Variants in ACVRL1 observed in about 807,000 individuals in gnomAD.
ACVRL1 encodes activin A receptor like type 1, also known as activin receptor type-1-like.
A neutral mutation model predicts 51.9 loss-of-function variants in ACVRL1; 20 were observed. The observed-to-expected ratio is 0.39, with a 90% CI of 0.27 to 0.56. The LOEUF is 0.56. Ranked by LOEUF, ACVRL1 falls within the 20% of genes least tolerant of loss-of-function variation. The pLI is 0.67. For synonymous variants in ACVRL1, 288 were observed against 280.9 expected, an observed-to-expected ratio of 1.03 and a Z score of -0.25; for missense variants, 451 against 670.3, an observed-to-expected ratio of 0.67 and a Z score of 3.61.
chr12:51,910,950 A>C (rs1263469946), intron 1 of ACVRL1, among the ~76,000 whole-genome samples: 1 of 151,558 alleles, frequency 6.6e-6, no homozygotes, highest in Non-Finnish European at 1.5e-5. Context: ...CCCCTACCCC[A>C]CCCCTAGCCA....
intron 1 of ACVRL1, among the ~76,000 whole-genome samples, chr12:51,912,049 C>T (rs1283389477): frequency 1.3e-5 from 2 of 151,970 alleles, no homozygotes; most frequent in Non-Finnish European, 2.9e-5. Flanking sequence ...GCTGGGGGGG[C>T]ATTGAGAAAG....
Position 51,912,500 on chromosome 12 carries a change from G to A in ACVRL1, c.26G>A (p.Gly9Asp). 2 of 1,614,168 alleles carry A rather than the reference G, an allele frequency of 1.2e-6. No individual in the cohort carries two copies. Among genetic ancestry groups the A allele is most frequent in the Admixed American group, 1.7e-5 (1 of 60,020 alleles). MTLGSPRK[G>D]LLMLLMALVT... ...ATGACCTTGGGCTCCCCCAGGAAAG[G>A]CCTTCTGATGCTGCTGATGGCCTTG... is the stretch of plus-strand genomic sequence containing the variant. The change falls in exon 2 of 10, where the codon GGC becomes GAC. Residue 9 changes from glycine (G) to aspartate (D), a missense_variant. Around this residue, in one of 2 missense-constraint regions of ACVRL1, gnomAD observed 192 missense variants for 216.9 expected, o/e 0.89. Coordinates refer to ENST00000388922, the MANE Select transcript of ACVRL1 (RefSeq NM_000020.3).
intron 1 of ACVRL1, among the ~76,000 whole-genome samples, chr12:51,911,266 T>G (rs1940682613): frequency 6.6e-6 from 1 of 152,212 alleles, no homozygotes; most frequent in Non-Finnish European, 1.5e-5. Flanking sequence ...AAGCACTAGT[T>G]GGTGTGGGAC....
chr12:51,915,299 G>C lies in ACVRL1; in HGVS notation c.847G>C (p.Gly283Arg). 6.2e-7 allele frequency: 1 copy of C among 1,614,194 alleles called. No individual in the cohort carries two copies. Among genetic ancestry groups the C allele is most frequent in the Non-Finnish European group, 8.5e-7 (1 of 1,180,044 alleles). Residue 283 changes from glycine (G) to arginine (R), a missense_variant, in exon 7 of 10, where the codon GGC becomes CGC. Physicochemically the swap from Gly to Arg is moderately radical, Grantham distance 125. Around this residue, in one of 2 missense-constraint regions of ACVRL1, gnomAD observed 259 missense variants for 453.4 expected, o/e 0.57. Transcript: ENST00000388922. ...LWLITHYHEHGSLYDFLQRQT... is the reference protein window; with the variant it reads ...LWLITHYHEHRSLYDFLQRQT... Reference sequence around the variant, plus strand: ...GCTCATCACGCACTACCACGAGCACGGCTCCCTCTACGACTTTCTGCAGAG... The same window carrying C: ...GCTCATCACGCACTACCACGAGCACCGCTCCCTCTACGACTTTCTGCAGAG...
rs1940738967 is a variant in ACVRL1, at chr12:51,913,288, T to G, written c.251T>G (p.Phe84Cys). The change falls in exon 3 of 10, where the codon TTC (phenylalanine) becomes TGC (cysteine). Residue 84 changes from phenylalanine to cysteine, a missense_variant. Phe to Cys is a radical substitution (Grantham distance 205). This residue lies in a region of ACVRL1 where 192 missense variants were observed against 216.9 expected (regional missense o/e 0.89). Coordinates refer to ENST00000388922, the MANE Select transcript of ACVRL1 (RefSeq NM_000020.3). ...RELCRGRPTE[F>C]VNHYCCDSHL... is the part of the protein sequence containing the mutation. ...CTCTGCAGGGGGCGCCCCACCGAGT[T>G]CGTCAACCACTACTGCTGCGACAGC... 6.2e-7 allele frequency: 1 copy of G among 1,608,606 alleles called. No individual in the cohort carries two copies. Among genetic ancestry groups the G allele is most frequent in the Non-Finnish European group, 8.5e-7 (1 of 1,177,910 alleles).
At position 51,921,590 on chromosome 12, in the gene ACVRL1, G is replaced by A. The variant is rs1375327794; in HGVS notation, c.*697G>A. On this transcript the variant is annotated 3_prime_UTR_variant, in exon 10 of 10. Coordinates refer to ENST00000388922, the MANE Select transcript of ACVRL1 (RefSeq NM_000020.3). Reference sequence around the variant, plus strand: ...GGCAGGTCAGATGGGCAAGGCCCAGGACTTTCAGATTAACTGAGAGGATAT... The same window carrying A: ...GGCAGGTCAGATGGGCAAGGCCCAGAACTTTCAGATTAACTGAGAGGATAT... The A allele has an allele frequency of 6.4e-6, 1 of 156,902 alleles. No homozygotes were observed. The highest frequency in any genetic ancestry group is 2.4e-5 in the African/African-American group (1 of 41,502). The allele number at this position is 156,902 out of a possible 1,614,324, so 9.7% of individuals were successfully genotyped here.
chr12:51,909,184 A>G (rs1940646798), intron 1 of ACVRL1, among the ~76,000 whole-genome samples: 1 of 152,096 alleles, frequency 6.6e-6, no homozygotes, highest in Non-Finnish European at 1.5e-5. Flanking sequence ...TGCTAGGGAG[A>G]AAAACATTGA....
intron 5 of ACVRL1, 139 bp downstream of exon 5, chr12:51,914,212 C>A: frequency 8.3e-7 from 1 of 1,205,184 alleles, no homozygotes; most frequent in Non-Finnish European, 1.2e-6. Flanking sequence ...AGGGAGTGGG[C>A]TGGAGACGGG....
At position 51,915,519 on chromosome 12, in the gene ACVRL1, G is replaced by C. The variant is rs1340657213; in HGVS notation, c.1048+19G>C. The C allele has an allele frequency of 5.0e-6, 8 of 1,598,854 alleles. No individual in the cohort carries two copies. The highest frequency in any genetic ancestry group is 6.8e-6 in the Non-Finnish European group (8 of 1,171,036). ...GACCTGGGTGAGCCGGGCGGGGCAG[G>C]GGCGCGCCCTTCACAGGTGGGCGGA... is the stretch of plus-strand genomic sequence containing the variant. On this transcript the variant is annotated intron_variant, in intron 7 of 9. Coordinates refer to ENST00000388922, the MANE Select transcript of ACVRL1 (RefSeq NM_000020.3).
chr12:51,921,068 T>C lies in ACVRL1; in HGVS notation c.*175T>C. The C allele has an allele frequency of 1.3e-6, 1 of 760,704 alleles. No homozygotes were observed. Among genetic ancestry groups the C allele is most frequent in the Non-Finnish European group, 2.2e-6 (1 of 462,222 alleles). The allele number at this position is 760,704 out of a possible 1,614,324, so 47.1% of individuals were successfully genotyped here. The stretch of plus-strand genomic sequence containing the variant: ...CCAAAAATACAGCTGGGCTGAAACC[T>C]GATCCCCTGCTGTCTGGCCTGCTCA... On this transcript the variant is annotated 3_prime_UTR_variant, in exon 10 of 10. Transcript: ENST00000388922.
intron 2 of ACVRL1, 89 bp downstream of exon 2, chr12:51,912,624 T>C: frequency 8.7e-7 from 1 of 1,155,568 alleles, no homozygotes; most frequent in Non-Finnish European, 1.3e-6. Flanking sequence ...GGGCTGAACT[T>C]GAGAAGCTGG....
intron 8 of ACVRL1, 79 bp from the exon 9 acceptor site, chr12:51,918,906 G>A: frequency 1.2e-6 from 2 of 1,606,496 alleles, no homozygotes; most frequent in Non-Finnish European, 1.7e-6. Flanking sequence ...TGGATAGAGG[G>A]TAGAAAAGGC....
At chr12:51,919,551 C>A (rs1402772514) in intron 9 of ACVRL1, among the ~76,000 whole-genome samples, 1 of 151,968 alleles carries the variant, frequency 6.6e-6, no homozygotes, top group African/African-American at 2.4e-5. Flanking sequence ...CACCACCACA[C>A]CTGGCTAATT....
Position 51,914,450 on chromosome 12 carries a change from T to C in ACVRL1, c.637T>C (p.Tyr213His). The C allele has an allele frequency of 6.2e-7, 1 of 1,614,196 alleles. No homozygotes were observed. Among genetic ancestry groups the C allele is most frequent in the Non-Finnish European group, 8.5e-7 (1 of 1,180,018 alleles). ...ALVECVGKGR[Y>H]GEVWRGLWHG... Reference sequence around the variant, plus strand: ...CCTCTGGCCATCAGGAAAAGGCCGCTATGGCGAAGTGTGGCGGGGCTTGTG... The same window carrying C: ...CCTCTGGCCATCAGGAAAAGGCCGCCATGGCGAAGTGTGGCGGGGCTTGTG... Residue 213 changes from tyrosine to histidine, a missense_variant, in exon 6 of 10, where the codon TAT becomes CAT. Transcript: ENST00000388922.
intron 6 of ACVRL1, among the ~76,000 whole-genome samples, 162 bp downstream of exon 6, chr12:51,914,747 T>C (rs1246345035): frequency 6.6e-6 from 1 of 151,426 alleles, no homozygotes; most frequent in African/African-American, 2.4e-5. Flanking sequence ...TTTAATTTAA[T>C]TTAATTTAAT....
intron 1 of ACVRL1, among the ~76,000 whole-genome samples, chr12:51,911,048 C>T (rs546667655): frequency 2.5e-4 from 38 of 152,222 alleles, no homozygotes; most frequent in Non-Finnish European, 4.9e-4. Context: ...GGCCATGTGC[C>T]CAGCCCTGTC....
chr12:51,910,954 CT>C (rs1195310983), intron 1 of ACVRL1, among the ~76,000 whole-genome samples: 1 of 152,240 alleles, frequency 6.6e-6, no homozygotes, highest in Non-Finnish European at 1.5e-5. Context: ...TACCCCACCC[CT>C]AGCCATACTG....
chr12:51,919,163 C>A, intron 9 of ACVRL1, 48 bp downstream of exon 9: 2 of 1,612,922 alleles, frequency 1.2e-6, no homozygotes, highest in Non-Finnish European at 1.7e-6. Context: ...TGGCTCATGG[C>A]TGGGATTTCT....
intron 1 of ACVRL1, among the ~76,000 whole-genome samples, chr12:51,909,861 A>G (rs1027734497): frequency 3.3e-5 from 5 of 152,242 alleles, no homozygotes; most frequent in African/African-American, 9.6e-5. Context: ...TAAGTATTTC[A>G]TAGTGTTTAG....
Sources: gnomAD v4.1 joint callset for allele counts (sites outside exome capture counted in the v4.1 genomes callset) on GRCh38, gnomAD v4.1.1 for gene constraint, gnomAD v4.1.1 regional missense constraint, MANE v1.5 for transcripts, NCBI Gene and HGNC (gene_info 2026-07-23, HGNC 2026-07-21) for gene names.